INPP4B: variants seen among roughly 807,000 people sequenced by gnomAD.
INPP4B encodes inositol polyphosphate-4-phosphatase type II B.
Under a neutral mutation model 122.5 loss-of-function variants are expected in INPP4B, and 55 were observed. The ratio of observed to expected loss-of-function variants is 0.45; its 90% CI spans 0.36 to 0.56. INPP4B has a LOEUF of 0.56. INPP4B is among the 20% of genes least tolerant of loss of function. The probability of loss-of-function intolerance (pLI) is 0.00; values close to 1 mark genes in which losing one functional copy is unlikely to be tolerated. For missense variants in INPP4B, 1,000 were observed against 1,097.7 expected (o/e 0.91, Z 1.26); for synonymous variants, 403 against 388.7 (o/e 1.04, Z -0.43).
chr4:142,229,296 A>G (rs1467278862), intron 12 of INPP4B, among the ~76,000 whole-genome samples: 2 of 152,162 alleles, frequency 1.3e-5, no homozygotes, highest in East Asian at 3.8e-4. Context: ...AATATACATG[A>G]TAAACGGGGA....
intron 2 of INPP4B, among the ~76,000 whole-genome samples, chr4:142,548,088 G>A (rs889380211): frequency 6.6e-6 from 1 of 152,194 alleles, no homozygotes; most frequent in Admixed American, 6.6e-5. Context: ...CCAACGTTAA[G>A]CTTGGAGAGA....
At chr4:142,599,105 G>A (rs985526701) in intron 2 of INPP4B, among the ~76,000 whole-genome samples, 1 of 152,142 alleles carries the variant, frequency 6.6e-6, no homozygotes, top group Non-Finnish European at 1.5e-5. Flanking sequence ...CAGTAAGTAT[G>A]TCTTGGGACC....
intron 16 of INPP4B, 93 bp from the exon 17 acceptor site, chr4:142,160,654 G>A (rs1819655387): frequency 2.3e-6 from 2 of 880,426 alleles, no homozygotes; most frequent in African/African-American, 3.3e-5. Flanking sequence ...TGGTACTTAA[G>A]TGGTGTGTAT....
chr4:142,649,879 C>G (rs1401857182), intron 2 of INPP4B, among the ~76,000 whole-genome samples: 1 of 152,168 alleles, frequency 6.6e-6, no homozygotes, highest in African/African-American at 2.4e-5. Flanking sequence ...CACAAAGATA[C>G]TCCTCGAGGA....
chr4:142,610,781 T>C (rs567865985), intron 2 of INPP4B, among the ~76,000 whole-genome samples: 2 of 152,162 alleles, frequency 1.3e-5, no homozygotes, highest in Non-Finnish European at 2.9e-5. Context: ...AATATATATA[T>C]GTATGTGTAC....
At chr4:142,740,057 C>T (rs1409670338) in intron 1 of INPP4B, among the ~76,000 whole-genome samples, 2 of 152,080 alleles carry the variant, frequency 1.3e-5, no homozygotes, top group East Asian at 3.9e-4. Flanking sequence ...TTTAGGTGTC[C>T]AGAGGAATTA....
chr4:142,284,054 T>C (rs1231196881), intron 9 of INPP4B, among the ~76,000 whole-genome samples: 2 of 152,130 alleles, frequency 1.3e-5, no homozygotes, highest in Non-Finnish European at 2.9e-5. Flanking sequence ...AATTATCCTT[T>C]GGATTTAGCA....
chr4:142,581,221 A>G (rs1403743485), intron 2 of INPP4B, among the ~76,000 whole-genome samples: 1 of 152,080 alleles, frequency 6.6e-6, no homozygotes, highest in Non-Finnish European at 1.5e-5. Flanking sequence ...GGACAAAAAT[A>G]AGTACATATT....
At chr4:142,262,062 A>G (rs926346038) in intron 10 of INPP4B, among the ~76,000 whole-genome samples, 1 of 152,216 alleles carries the variant, frequency 6.6e-6, no homozygotes, top group African/African-American at 2.4e-5. Flanking sequence ...ATGATGTTCA[A>G]TGATACTAGA....
intron 1 of INPP4B, among the ~76,000 whole-genome samples, chr4:142,810,761 T>C (rs1204582695): frequency 6.6e-6 from 1 of 152,188 alleles, no homozygotes; most frequent in Non-Finnish European, 1.5e-5. Flanking sequence ...TAGTCTCACA[T>C]TGTAATCCTA....
intron 1 of INPP4B, among the ~76,000 whole-genome samples, chr4:142,737,548 A>G (rs1048210738): frequency 7.2e-5 from 11 of 152,336 alleles, no homozygotes; most frequent in African/African-American, 2.4e-4. Flanking sequence ...GGACATAGGC[A>G]TGGGCAAGGA....
At chr4:142,754,096 G>A (rs373367082) in intron 1 of INPP4B, among the ~76,000 whole-genome samples, 6 of 152,164 alleles carry the variant, frequency 3.9e-5, no homozygotes, top group African/African-American at 9.6e-5. Flanking sequence ...ATTTAATGCC[G>A]TAGATGCCAA....
In INPP4B at chr4:142,402,956, C is replaced by G; in HGVS notation, c.354G>C (p.Lys118Asn). 6.4e-7 allele frequency: 1 copy of G among 1,553,182 alleles called. No homozygotes were observed. ...TKIKLTVYDV[K>N]DKSHDTVRTS... Reference sequence around the variant, plus strand: ...TACTTACGGTGTCATGAGACTTATCCTTGACATCATAGACTGTTAGTTTTA... The same window carrying G: ...TACTTACGGTGTCATGAGACTTATCGTTGACATCATAGACTGTTAGTTTTA... Residue 118 changes from lysine to asparagine, a missense_variant, in exon 7 of 26, where the codon AAG becomes AAC. Lys to Asn is a moderately conservative substitution (Grantham distance 94). Coordinates refer to ENST00000262992, the MANE Select transcript of INPP4B (RefSeq NM_001101669.3).
chr4:142,472,645 C>G (rs977659353), intron 2 of INPP4B, among the ~76,000 whole-genome samples: 1 of 152,086 alleles, frequency 6.6e-6, no homozygotes, highest in Non-Finnish European at 1.5e-5. Context: ...ATTCTTATAC[C>G]TACTTGCACA....
rs74444055 is a variant in INPP4B, at chr4:142,593,502, C to T, written c.-190-130776G>A. Among the ~76,000 whole-genome samples the T allele has an allele frequency of 2.7e-3, 405 of 152,244 alleles. 6 individuals carry two copies. The highest frequency in any genetic ancestry group is 0.018 in the East Asian group (94 of 5,180). On this transcript the variant is annotated intron_variant, in intron 2 of 25. Transcript: ENST00000262992. ...CTCTGGCCAATATCTTCAATTTTCT[C>T]ATCTCACTTTCCTGATATAAATTTC...
intron 3 of INPP4B, among the ~76,000 whole-genome samples, chr4:142,442,983 G>C (rs750256864): frequency 1.2e-4 from 18 of 152,228 alleles, no homozygotes; most frequent in Non-Finnish European, 2.1e-4. Flanking sequence ...CAGATCTCGT[G>C]AGACTTATTC....
intron 11 of INPP4B, among the ~76,000 whole-genome samples, chr4:142,247,578 T>C (rs530622759): frequency 6.6e-6 from 1 of 152,192 alleles, no homozygotes. Context: ...TTTATTTGCA[T>C]AGTGGTATTT....
intron 19 of INPP4B, 55 bp downstream of exon 19, chr4:142,124,533 T>A: frequency 6.9e-7 from 1 of 1,455,370 alleles, no homozygotes. Context: ...TCATCAAGGA[T>A]AGGATGTTAA....
intron 12 of INPP4B, among the ~76,000 whole-genome samples, chr4:142,210,444 ATAGAG>A (rs1029499395): frequency 1.3e-5 from 2 of 152,192 alleles, no homozygotes; most frequent in African/African-American, 4.8e-5. Flanking sequence ...TCAATAAATA[ATAGAG>A]TAAAGAAAAA....
Sources: gnomAD v4.1 joint callset for allele counts (sites outside exome capture counted in the v4.1 genomes callset) on GRCh38, gnomAD v4.1.1 for gene constraint, MANE v1.5 for transcripts, NCBI Gene and HGNC (gene_info 2026-07-23, HGNC 2026-07-21) for gene names.